The following WNT2B variants were observed in gnomAD, a reference collection of about 807,000 sequenced individuals.
WNT2B encodes Wnt family member 2B, also known as protein Wnt-2b.
In WNT2B, 19 loss-of-function variants were observed where a neutral mutation model predicts 40.5. The observed-to-expected ratio is 0.47, with a 90% CI of 0.33 to 0.69. The LOEUF (loss-of-function observed/expected upper bound fraction) is 0.69, where lower values mean the gene tolerates loss of function less well. Ranked by LOEUF, WNT2B falls within the 30% of genes least tolerant of loss-of-function variation. The pLI is 0.02. For missense variants in WNT2B, 467 were observed against 556.4 expected, an observed-to-expected ratio of 0.84 and a Z score of 1.62; for synonymous variants, 220 against 211.9, an observed-to-expected ratio of 1.04 and a Z score of -0.33.
chr1:112,491,061 G>C, intron 1 of WNT2B: 1 of 1,613,998 alleles, frequency 6.2e-7, no homozygotes, highest in East Asian at 2.2e-5. Context: ...CACAGTCAGC[G>C]TTCAACAAGT....
Position 112,483,181 on chromosome 1 carries a change from TACACACACACACACAC to T in WNT2B, c.-95+15616_-95+15631del, listed in dbSNP as rs58250277. Among the ~76,000 whole-genome samples the T allele has an allele frequency of 2.8e-4, 39 of 141,238 alleles. 1 individual carries two copies. The highest frequency in any genetic ancestry group is 1.1e-3 in the South Asian group (5 of 4,450). The allele number at this position is 141,238 out of a possible 152,430, so 92.7% of individuals were successfully genotyped here. A position where few individuals can be genotyped will look rare whatever the true frequency, so the allele number is the denominator to read the frequency against. The stretch of plus-strand genomic sequence containing the variant: ...TGCACTCTAGCCTGGGCAACATAGA[TACACACACACACACAC>T]ACACACACACACACACACACACACA... On this transcript the variant is annotated intron_variant, in intron 1 of 4. Coordinates refer to the WNT2B transcript ENST00000256640.
chr1:112,482,633 C>G (rs1651262702), intron 1 of WNT2B, among the ~76,000 whole-genome samples: 1 of 152,108 alleles, frequency 6.6e-6, no homozygotes, highest in Non-Finnish European at 1.5e-5. Context: ...ATGCCCAGCC[C>G]TAGTCACATT....
At chr1:112,496,144 C>T (rs528339611) in intron 1 of WNT2B, among the ~76,000 whole-genome samples, 64 of 152,198 alleles carry the variant, frequency 4.2e-4, no homozygotes, top group African/African-American at 1.3e-3. Flanking sequence ...GACAGGGTCC[C>T]CCTCTGTCAT....
rs1267554024 is a variant in WNT2B at position 112,523,448 on chromosome 1, C to T, written c.*2939C>T. The stretch of plus-strand genomic sequence containing the variant: ...ATTAATTTTTCCTCCTAGTTCTTAG[C>T]TTGCTTCTGCATTGATTGGCTTTAC... On this transcript the variant is annotated 3_prime_UTR_variant, in exon 5 of 5. Transcript: ENST00000369684. The T allele has an allele frequency of 6.6e-6, 1 of 152,226 alleles. No homozygotes were observed. Among genetic ancestry groups the T allele is most frequent in the Admixed American group, 6.5e-5 (1 of 15,276 alleles). The allele number at this position is 152,226 out of a possible 1,614,324, so 9.4% of individuals were successfully genotyped here.
upstream of WNT2B, among the ~76,000 whole-genome samples, chr1:112,505,598 A>G (rs755221067): frequency 1.3e-5 from 2 of 152,198 alleles, no homozygotes; most frequent in Non-Finnish European, 2.9e-5. Context: ...CAGCCCCACA[A>G]CAAGCCTTTG....
chr1:112,482,470 G>A (rs571408008), intron 1 of WNT2B, among the ~76,000 whole-genome samples: 271 of 152,202 alleles, frequency 1.8e-3, no homozygotes, highest in African/African-American at 6.3e-3. Context: ...TGATAATCTG[G>A]GACTACAGGC....
chr1:112,496,755 T>C (rs1239358558), intron 1 of WNT2B, among the ~76,000 whole-genome samples: 1 of 152,144 alleles, frequency 6.6e-6, no homozygotes, highest in East Asian at 1.9e-4. Flanking sequence ...CATGTACCAC[T>C]ACGCCCGGCT....
Position 112,522,432 on chromosome 1 carries a change from CCTT to C in WNT2B, c.*1927_*1929del, listed in dbSNP as rs1463070213. On this transcript the variant is annotated 3_prime_UTR_variant, in exon 5 of 5. Transcript: ENST00000369684. ...CCATCATGACTTCTCTAGGAACAGTCCTTCTTTAGGACTATAAAGTATTAACAA... is the reference window on the plus strand; with the variant it reads ...CCATCATGACTTCTCTAGGAACAGTCCTTTAGGACTATAAAGTATTAACAA... 6.6e-6 allele frequency: 1 copy of C among 152,240 alleles called. No homozygotes were observed. The highest frequency in any genetic ancestry group is 2.4e-5 in the African/African-American group (1 of 41,466). The allele number at this position is 152,240 out of a possible 1,614,324, so 9.4% of individuals were successfully genotyped here. A position where few individuals can be genotyped will look rare whatever the true frequency, so the allele number is the denominator to read the frequency against.
intron 1 of WNT2B, 118 bp from the exon 2 acceptor site, chr1:112,514,756 T>C (rs1652467308): frequency 4.5e-6 from 4 of 897,000 alleles, no homozygotes; most frequent in Admixed American, 4.0e-5. Context: ...GGAATGTGGG[T>C]TAGGGAGAGG....
chr1:112,495,489 T>A (rs938674382), intron 1 of WNT2B, among the ~76,000 whole-genome samples: 11 of 151,322 alleles, frequency 7.3e-5, no homozygotes, highest in African/African-American at 2.7e-4. Flanking sequence ...CTAGGGAGGC[T>A]GAGGCAGGAG....
At chr1:112,518,275 C>T (rs1652669221) in intron 4 of WNT2B, 1 of 152,226 alleles carries the variant, frequency 6.6e-6, no homozygotes, top group Non-Finnish European at 1.5e-5. Flanking sequence ...ACATGCAATG[C>T]AGCAGAACTC....
At position 112,509,324 on chromosome 1, in the gene WNT2B, C is replaced by T. The variant is rs763102290; in HGVS notation, c.62C>T (p.Pro21Leu). 3.2e-6 allele frequency: 5 copies of T among 1,581,648 alleles called. No individual in the cohort carries two copies. The highest frequency in any genetic ancestry group is 4.3e-6 in the Non-Finnish European group (5 of 1,170,514). The change falls in exon 1 of 5, where the codon CCG (proline) becomes CTG (leucine). Residue 21 changes from proline to leucine, a missense_variant. Pro to Leu is a moderately conservative substitution (Grantham distance 98). Coordinates refer to ENST00000369684, the MANE Select transcript of WNT2B (RefSeq NM_024494.3). The surrounding 1 kb of genome is among the most constrained non-coding windows in gnomAD (Gnocchi z 4.2). The stretch of plus-strand genomic sequence containing the variant: ...CTCCCGCTTCGGCGCGCCAGCGCCC[C>T]GGTCCCTGTGCCGTCGCCCGCGGCC... ...AQLPLRRASA[P>L]VPVPSPAAPD...
At chr1:112,498,363 C>A (rs1185963519) in intron 1 of WNT2B, among the ~76,000 whole-genome samples, 2 of 152,004 alleles carry the variant, frequency 1.3e-5, no homozygotes, top group African/African-American at 2.4e-5. Flanking sequence ...AAGTGACTCT[C>A]CTGCCTCAGC....
At chr1:112,514,332 C>T (rs1025297931) in intron 1 of WNT2B, among the ~76,000 whole-genome samples, 1 of 152,268 alleles carries the variant, frequency 6.6e-6, no homozygotes, top group South Asian at 2.1e-4. Flanking sequence ...TTTAGCTACA[C>T]GGGTCTGACT....
intron 1 of WNT2B, among the ~76,000 whole-genome samples, chr1:112,510,122 C>T (rs1049182906): frequency 6.6e-6 from 1 of 152,130 alleles, no homozygotes; most frequent in Non-Finnish European, 1.5e-5. Flanking sequence ...CAGAGGGCTG[C>T]GGAGTCCCAA....
chr1:112,508,752 C>A (rs913771287), upstream of WNT2B: 26 of 986,438 alleles, frequency 2.6e-5, no homozygotes, highest in South Asian at 1.1e-3. The surrounding 1 kb of genome is among the most constrained non-coding windows in gnomAD (Gnocchi z 4.2). Flanking sequence ...CAGGAGGGAG[C>A]CGCGGCGTCC....
chr1:112,512,154 A>G (rs1014987092), intron 1 of WNT2B, among the ~76,000 whole-genome samples: 1 of 152,232 alleles, frequency 6.6e-6, no homozygotes, highest in Non-Finnish European at 1.5e-5. Flanking sequence ...TAGGCTGGCA[A>G]CTGTTGACAA....
At chr1:112,480,401 G>A (rs915025935) in intron 1 of WNT2B, among the ~76,000 whole-genome samples, 1 of 146,786 alleles carries the variant, frequency 6.8e-6, no homozygotes, top group African/African-American at 2.5e-5. Flanking sequence ...CAGTACAACC[G>A]ATACCACAGA....
In WNT2B at chr1:112,509,451, GT is replaced by G. The variant is rs1278094880; in HGVS notation, c.182+8del. ...GCGTAGACACGTCCTGGTGGTAAGT[GT>G]GGCTCTCAGGCTGGGCGGGTGAGGC... On this transcript the variant is annotated splice_region_variant and intron_variant, in intron 1 of 4. Transcript: ENST00000369684. The surrounding 1 kb of genome is among the most constrained non-coding windows in gnomAD (Gnocchi z 4.2). 14 of 1,574,700 alleles carry G rather than the reference GT, an allele frequency of 8.9e-6. No individual in the cohort carries two copies. The highest frequency in any genetic ancestry group is 1.2e-5 in the Non-Finnish European group (14 of 1,170,272).
Sources: gnomAD v4.1 joint callset for allele counts (sites outside exome capture counted in the v4.1 genomes callset) on GRCh38, gnomAD v4.1.1 for gene constraint, Gnocchi (gnomAD v3.1) non-coding constraint, MANE v1.5 for transcripts, NCBI Gene and HGNC (gene_info 2026-07-23, HGNC 2026-07-21) for gene names.